Variants in LYPLA2 observed in about 807,000 individuals in gnomAD.
The protein encoded by LYPLA2 is lysophospholipase 2.
A neutral mutation model predicts 30.3 loss-of-function variants in LYPLA2; 7 were observed. That is an observed-to-expected ratio of 0.23 (90% CI 0.13 to 0.43). The LOEUF is 0.43. Among genes scored for constraint, LYPLA2 ranks in the 20% least tolerant of loss-of-function variants. LYPLA2 has a pLI of 1.00. For missense variants in LYPLA2, 206 were observed against 307.9 expected (o/e 0.67, Z 2.48); for synonymous variants, 112 against 118.2 (o/e 0.95, Z 0.34).
rs551655831 is a variant in LYPLA2, at chr1:23,793,601, G to A, written c.177-104G>A. The stretch of plus-strand genomic sequence containing the variant: ...AACACCTTAAACACAGGCCCTGCCT[G>A]CTGGGAGGGGCCACCAGGGGCGGCG... On this transcript the variant is annotated intron_variant, in intron 4 of 9. Transcript: ENST00000374514. The surrounding 1 kb of genome is among the most constrained non-coding windows in gnomAD (Gnocchi z 6.0). 57 of 1,192,324 alleles carry A rather than the reference G, an allele frequency of 4.8e-5. No individual in the cohort carries two copies. The highest frequency in any genetic ancestry group is 6.9e-5 in the Non-Finnish European group (55 of 798,728). The allele number at this position is 1,192,324 out of a possible 1,614,324, so 73.9% of individuals were successfully genotyped here. A position where few individuals can be genotyped will look rare whatever the true frequency, so the allele number is the denominator to read the frequency against.
intron 1 of LYPLA2, 109 bp from the exon 2 acceptor site, chr1:23,792,548 C>T (rs1638816897): frequency 1.5e-6 from 1 of 687,826 alleles, no homozygotes; most frequent in East Asian, 2.5e-5. Context: ...TTCTTTGTGC[C>T]CAGGACAGAA....
At position 23,793,825 on chromosome 1, in the gene LYPLA2, G is replaced by T; in HGVS notation, c.225-35G>T. The T allele has an allele frequency of 6.2e-7, 1 of 1,612,772 alleles. No homozygotes were observed. Among genetic ancestry groups the T allele is most frequent in the Non-Finnish European group, 8.5e-7 (1 of 1,178,800 alleles). Reference sequence around the variant, plus strand: ...GAGGGAGCCACAGGGGGCTGGCTGGGGTTTTCTATAGCTGCCAGTGCCTCT... The same window carrying T: ...GAGGGAGCCACAGGGGGCTGGCTGGTGTTTTCTATAGCTGCCAGTGCCTCT... On this transcript the variant is annotated intron_variant, in intron 5 of 9. Coordinates refer to ENST00000374514, the MANE Select transcript of LYPLA2 (RefSeq NM_007260.3). The surrounding 1 kb of genome is among the most constrained non-coding windows in gnomAD (Gnocchi z 6.0).
In LYPLA2 at chr1:23,792,641, G is replaced by GC. The variant is rs1638819051; in HGVS notation, c.-26-12dup. On this transcript the variant is annotated splice_polypyrimidine_tract_variant and intron_variant, in intron 1 of 9. Transcript: ENST00000374514. ...GTGCCTGGTTTTGCTCTTGACCGCC[G>GC]CCCCGATGTATGCAGGCCCCCGCCG... 6.3e-6 allele frequency: 10 copies of GC among 1,576,358 alleles called. No individual in the cohort carries two copies. The highest frequency in any genetic ancestry group is 4.4e-6 in the Non-Finnish European group (5 of 1,148,976).
intron 1 of LYPLA2, among the ~76,000 whole-genome samples, chr1:23,791,698 G>A (rs1638796392): frequency 6.6e-6 from 1 of 152,058 alleles, no homozygotes; most frequent in African/African-American, 2.4e-5. Context: ...GAGCCTGGGC[G>A]GGAGGTGCAA....
At position 23,794,398 on chromosome 1, in the gene LYPLA2, CT is replaced by C; in HGVS notation, c.472-26del. 1 of 1,613,304 alleles carries C rather than the reference CT, an allele frequency of 6.2e-7. No homozygotes were observed. On this transcript the variant is annotated intron_variant, in intron 8 of 9. Coordinates refer to ENST00000374514, the MANE Select transcript of LYPLA2 (RefSeq NM_007260.3). This position sits in a 1 kb window ranked among gnomAD's most constrained non-coding sequence, Gnocchi z 5.9. ...GGCTTGGGGACTGCTGCAGCACTAG[CT>C]TTGCCCTGAGTCCTGTCCGGCCTCC...
At position 23,795,296 on chromosome 1, in the gene LYPLA2, T is replaced by C. The variant is rs529170295; in HGVS notation, c.*564T>C. The C allele has an allele frequency of 1.9e-4, 44 of 234,832 alleles. No homozygotes were observed. The highest frequency in any genetic ancestry group is 9.7e-4 in the African/African-American group (42 of 43,368). 14.5% of individuals were successfully genotyped at this position (234,832 alleles called of 1,614,324 possible). On this transcript the variant is annotated 3_prime_UTR_variant, in exon 10 of 10. Transcript: ENST00000374514. ...TGAGGGGGGCCTTCCCTCAGCTGTT[T>C]CCCCACACTGGGGGGCTGGGCCCTG...
In LYPLA2 at chr1:23,794,971, G is replaced by T; in HGVS notation, c.*239G>T. 1.5e-6 allele frequency: 1 copy of T among 688,268 alleles called. No homozygotes were observed. Among genetic ancestry groups the T allele is most frequent in the Admixed American group, 2.0e-5 (1 of 49,434 alleles). 42.6% of individuals were successfully genotyped at this position (688,268 alleles called of 1,614,324 possible). On this transcript the variant is annotated 3_prime_UTR_variant, in exon 10 of 10. Coordinates refer to ENST00000374514, the MANE Select transcript of LYPLA2 (RefSeq NM_007260.3). This position sits in a 1 kb window ranked among gnomAD's most constrained non-coding sequence, Gnocchi z 5.9. ...TTCTTATCCATTTCCCTGGAGGCGG[G>T]CCCCCCTGGCAGCAGTATTGGAGGG...
Position 23,794,128 on chromosome 1 carries a change from T to G in LYPLA2, c.361T>G (p.Phe121Val). The change falls in exon 7 of 10, where the codon TTT (phenylalanine) becomes GTT (valine). Residue 121 changes from phenylalanine to valine, a missense_variant. Phe to Val is a conservative substitution (Grantham distance 50). Coordinates refer to ENST00000374514, the MANE Select transcript of LYPLA2 (RefSeq NM_007260.3). The surrounding 1 kb of genome is among the most constrained non-coding windows in gnomAD (Gnocchi z 5.9). ...IPANRIVLGGFSQGGALSLYT... is the reference protein window; with the variant it reads ...IPANRIVLGGVSQGGALSLYT... ...TGCCAATCGAATCGTCCTGGGAGGC[T>G]TTTCACAGGTGAGGGGAGAGGGGTG... The G allele has an allele frequency of 6.5e-7, 1 of 1,529,174 alleles. No individual in the cohort carries two copies. The allele number at this position is 1,529,174 out of a possible 1,614,324, so 94.7% of individuals were successfully genotyped here. A position where few individuals can be genotyped will look rare whatever the true frequency, so the allele number is the denominator to read the frequency against.
Position 23,794,091 on chromosome 1 carries a change from G to A in LYPLA2, c.324G>A (p.Lys108=). 1 of 1,583,618 alleles carries A rather than the reference G, an allele frequency of 6.3e-7. No homozygotes were observed. Among genetic ancestry groups the A allele is most frequent in the Non-Finnish European group, 8.6e-7 (1 of 1,162,758 alleles). ...AGGCCTTGATTGAGCATGAAATGAAGAACGGGATCCCTGCCAATCGAATCG... is the reference window on the plus strand; with the variant it reads ...AGGCCTTGATTGAGCATGAAATGAAAAACGGGATCCCTGCCAATCGAATCG... ...NIKALIEHEM[K]NGIPANRIVL... is the part of the protein sequence containing the mutation. The change falls in exon 7 of 10, where the codon AAG becomes AAA. Residue 108 remains lysine (K), a synonymous_variant. Transcript: ENST00000374514. The surrounding 1 kb of genome is among the most constrained non-coding windows in gnomAD (Gnocchi z 5.9).
Position 23,794,855 on chromosome 1 carries a change from A to G in LYPLA2, c.*123A>G, listed in dbSNP as rs1638897148. The stretch of plus-strand genomic sequence containing the variant: ...ACCCTTCCTGACCTGTCCTTTTCCC[A>G]CAGGCCTCTGGGGGCAGGTGGCAAG... On this transcript the variant is annotated 3_prime_UTR_variant, in exon 10 of 10. Coordinates refer to ENST00000374514, the MANE Select transcript of LYPLA2 (RefSeq NM_007260.3). The surrounding 1 kb of genome is among the most constrained non-coding windows in gnomAD (Gnocchi z 5.9). 1 of 1,167,528 alleles carries G rather than the reference A, an allele frequency of 8.6e-7. No homozygotes were observed. The highest frequency in any genetic ancestry group is 1.5e-5 in the African/African-American group (1 of 65,472). The allele number at this position is 1,167,528 out of a possible 1,614,324, so 72.3% of individuals were successfully genotyped here. A position where few individuals can be genotyped will look rare whatever the true frequency, so the allele number is the denominator to read the frequency against.
Position 23,794,958 on chromosome 1 carries a change from T to A in LYPLA2, c.*226T>A, listed in dbSNP as rs954005770. On this transcript the variant is annotated 3_prime_UTR_variant, in exon 10 of 10. Transcript: ENST00000374514. The surrounding 1 kb of genome is among the most constrained non-coding windows in gnomAD (Gnocchi z 5.9). ...GGGGCAGGCTGCTTTCTTATCCATT[T>A]CCCTGGAGGCGGGCCCCCCTGGCAG... The A allele has an allele frequency of 2.3e-5, 16 of 698,660 alleles. No homozygotes were observed. Among genetic ancestry groups the A allele is most frequent in the East Asian group, 1.6e-4 (6 of 36,702 alleles). 43.3% of individuals were successfully genotyped at this position (698,660 alleles called of 1,614,324 possible).
rs1191337216 is a variant in LYPLA2 at position 23,794,375 on chromosome 1, C to T, written c.471+50C>T. On this transcript the variant is annotated intron_variant, in intron 8 of 9. Coordinates refer to ENST00000374514, the MANE Select transcript of LYPLA2 (RefSeq NM_007260.3). The surrounding 1 kb of genome is among the most constrained non-coding windows in gnomAD (Gnocchi z 5.9). ...GCCCTTTGTGTCTGCATCCTCGTGG[C>T]TTGGGGACTGCTGCAGCACTAGCTT... 5 of 1,599,428 alleles carry T rather than the reference C, an allele frequency of 3.1e-6. No individual in the cohort carries two copies. In the African/African-American group the frequency reaches 4.0e-5, roughly 13 times the overall value.
Position 23,795,300 on chromosome 1 carries a change from C to T in LYPLA2, c.*568C>T, listed in dbSNP as rs1244054385. On this transcript the variant is annotated 3_prime_UTR_variant, in exon 10 of 10. Coordinates refer to ENST00000374514, the MANE Select transcript of LYPLA2 (RefSeq NM_007260.3). ...GGGGGCCTTCCCTCAGCTGTTTCCCCACACTGGGGGGCTGGGCCCTGCCTC... is the reference window on the plus strand; with the variant it reads ...GGGGGCCTTCCCTCAGCTGTTTCCCTACACTGGGGGGCTGGGCCCTGCCTC... 2 of 235,176 alleles carry T rather than the reference C, an allele frequency of 8.5e-6. No individual in the cohort carries two copies. The highest frequency in any genetic ancestry group is 1.7e-5 in the Non-Finnish European group (2 of 116,012). 14.6% of individuals were successfully genotyped at this position (235,176 alleles called of 1,614,324 possible). A position where few individuals can be genotyped will look rare whatever the true frequency, so the allele number is the denominator to read the frequency against.
intron 1 of LYPLA2, 29 bp from the exon 2 acceptor site, chr1:23,792,628 G>C: frequency 6.8e-7 from 1 of 1,470,638 alleles, no homozygotes; most frequent in East Asian, 2.3e-5. Flanking sequence ...GCCTGGTTTT[G>C]CTCTTGACCG....
chr1:23,792,659 C>T lies in LYPLA2; in HGVS notation c.-24C>T. 1 of 1,608,860 alleles carries T rather than the reference C, an allele frequency of 6.2e-7. No individual in the cohort carries two copies. The highest frequency in any genetic ancestry group is 1.1e-5 in the South Asian group (1 of 90,914). On this transcript the variant is annotated splice_region_variant and 5_prime_UTR_variant, in exon 2 of 10. Coordinates refer to ENST00000374514, the MANE Select transcript of LYPLA2 (RefSeq NM_007260.3). ...GACCGCCGCCCCGATGTATGCAGGCCCCCGCCGTGGAGCCGTGTGGTGTAT... is the reference window on the plus strand; with the variant it reads ...GACCGCCGCCCCGATGTATGCAGGCTCCCGCCGTGGAGCCGTGTGGTGTAT...
Position 23,793,236 on chromosome 1 carries a change from G to A in LYPLA2, c.176+20G>A. 2 of 1,611,422 alleles carry A rather than the reference G, an allele frequency of 1.2e-6. No homozygotes were observed. The highest frequency in any genetic ancestry group is 1.3e-5 in the African/African-American group (1 of 74,902). On this transcript the variant is annotated intron_variant, in intron 4 of 9. Transcript: ENST00000374514. This position sits in a 1 kb window ranked among gnomAD's most constrained non-coding sequence, Gnocchi z 6.0. The stretch of plus-strand genomic sequence containing the variant: ...CCATGCGTGAGTGTCACCCCAGCAA[G>A]GGAGGGGCTGAGGCTGGGGATCATC...
In LYPLA2 at chr1:23,794,386, C is replaced by G; in HGVS notation, c.472-41C>G. On this transcript the variant is annotated intron_variant, in intron 8 of 9. Transcript: ENST00000374514. The surrounding 1 kb of genome is among the most constrained non-coding windows in gnomAD (Gnocchi z 5.9). ...CTGCATCCTCGTGGCTTGGGGACTGCTGCAGCACTAGCTTTGCCCTGAGTC... is the reference window on the plus strand; with the variant it reads ...CTGCATCCTCGTGGCTTGGGGACTGGTGCAGCACTAGCTTTGCCCTGAGTC... The G allele has an allele frequency of 1.2e-6, 2 of 1,611,542 alleles. No homozygotes were observed. Among genetic ancestry groups the G allele is most frequent in the Non-Finnish European group, 1.7e-6 (2 of 1,178,268 alleles).
rs767150495 is a variant in LYPLA2, at chr1:23,794,743, G to A, written c.*11G>A. 2 of 1,614,008 alleles carry A rather than the reference G, an allele frequency of 1.2e-6. No individual in the cohort carries two copies. The highest frequency in any genetic ancestry group is 2.2e-5 in the East Asian group (1 of 44,876). On this transcript the variant is annotated 3_prime_UTR_variant, in exon 10 of 10. Transcript: ENST00000374514. This position sits in a 1 kb window ranked among gnomAD's most constrained non-coding sequence, Gnocchi z 5.9. Reference sequence around the variant, plus strand: ...CTGCCTCCTGTCTAACTAGTCGCTGGCCCCAGTGCAGTACCCCAGCTCATG... The same window carrying A: ...CTGCCTCCTGTCTAACTAGTCGCTGACCCCAGTGCAGTACCCCAGCTCATG...
At position 23,794,544 on chromosome 1, in the gene LYPLA2, C is replaced by T. The variant is rs1012791700; in HGVS notation, c.589C>T (p.Pro197Ser). Residue 197 changes from proline to serine, a missense_variant, in exon 9 of 10, where the codon CCT (proline) becomes TCT (serine). Coordinates refer to ENST00000374514, the MANE Select transcript of LYPLA2 (RefSeq NM_007260.3). This position sits in a 1 kb window ranked among gnomAD's most constrained non-coding sequence, Gnocchi z 5.9. Reference sequence around the variant, plus strand: ...TGAGAAGCTCCGGTCTGTTGTCACACCTGCCAGGGTCCAGTTCAAGACATA... The same window carrying T: ...TGAGAAGCTCCGGTCTGTTGTCACATCTGCCAGGGTCCAGTTCAAGACATA... ...TAEKLRSVVT[P>S]ARVQFKTYPG... The T allele has an allele frequency of 6.2e-6, 10 of 1,614,150 alleles. No individual in the cohort carries two copies. The highest frequency in any genetic ancestry group is 1.3e-5 in the African/African-American group (1 of 75,044).
Sources: gnomAD v4.1 joint callset for allele counts (sites outside exome capture counted in the v4.1 genomes callset) on GRCh38, gnomAD v4.1.1 for gene constraint, Gnocchi (gnomAD v3.1) non-coding constraint, MANE v1.5 for transcripts, NCBI Gene and HGNC (gene_info 2026-07-23, HGNC 2026-07-21) for gene names.